The following DOCK1 variants were observed in gnomAD, a reference collection of about 807,000 sequenced individuals.
DOCK1 encodes the protein dedicator of cytokinesis protein 1.
In DOCK1, 138 loss-of-function variants were observed where a neutral mutation model predicts 262.7. That is an observed-to-expected ratio of 0.53 (90% CI 0.46 to 0.61). The LOEUF is 0.61. DOCK1 is among the 20% of genes least tolerant of loss of function. DOCK1 has a pLI of 0.00. For missense variants in DOCK1, 1,908 were observed against 2,370.7 expected (o/e 0.80, Z 4.05); for synonymous variants, 866 against 867.4 (o/e 1.00, Z 0.03).
intron 1 of DOCK1, among the ~76,000 whole-genome samples, chr10:126,935,582 C>G (rs2034508981): frequency 6.6e-6 from 1 of 152,248 alleles, no homozygotes; most frequent in Non-Finnish European, 1.5e-5. Context: ...CTGGAATGCA[C>G]CTTCCTCACC....
intron 48 of DOCK1, 130 bp from the exon 49 acceptor site, chr10:127,438,896 AC>A (rs2069877246): frequency 2.3e-6 from 2 of 885,330 alleles, no homozygotes; most frequent in Non-Finnish European, 3.4e-6. Flanking sequence ...ATCTGAAGTC[AC>A]CCTTGGCCTC....
intron 23 of DOCK1, among the ~76,000 whole-genome samples, chr10:127,066,128 G>A (rs1318772696): frequency 1.3e-5 from 2 of 152,058 alleles, no homozygotes; most frequent in African/African-American, 2.4e-5. Flanking sequence ...CTGACAAGAG[G>A]GTCCTTGGCC....
At chr10:127,048,059 G>C (rs1207972717) in intron 21 of DOCK1, among the ~76,000 whole-genome samples, 1 of 152,196 alleles carries the variant, frequency 6.6e-6, no homozygotes, top group African/African-American at 2.4e-5. Flanking sequence ...TAAAGGATAC[G>C]TGTATAGTTT....
intron 33 of DOCK1, among the ~76,000 whole-genome samples, chr10:127,372,750 C>CTTGCA (rs1483702369): frequency 1.3e-5 from 2 of 152,224 alleles, no homozygotes; most frequent in Non-Finnish European, 2.9e-5. Flanking sequence ...CCTGGAGACC[C>CTTGCA]TTGCATACAT....
In DOCK1 at chr10:127,195,437, A is replaced by G. The variant is rs2057043237; in HGVS notation, c.2848-52571A>G. 2.0e-5 allele frequency among the ~76,000 whole-genome samples: 3 copies of G among 151,786 alleles called. No individual in the cohort carries two copies. The South Asian group carries it at 6.2e-4, about 32-fold the overall frequency. On this transcript the variant is annotated intron_variant, in intron 27 of 51. Coordinates refer to ENST00000623213, the MANE Select transcript of DOCK1 (RefSeq NM_001290223.2). ...GTGCCAACCCCAGCGAGTGGAGGAG[A>G]CGAGCATTTCACGTGGGCATCTGCC...
intron 11 of DOCK1, among the ~76,000 whole-genome samples, chr10:127,011,461 T>A (rs2041435942): frequency 6.6e-6 from 1 of 152,220 alleles, no homozygotes; most frequent in Admixed American, 6.5e-5. Context: ...CCAGGATTGA[T>A]TTTAAACATT....
chr10:127,323,868 C>T (rs1446231568), intron 29 of DOCK1, among the ~76,000 whole-genome samples: 1 of 152,246 alleles, frequency 6.6e-6, no homozygotes, highest in South Asian at 2.1e-4. Flanking sequence ...CCCTGTGCTG[C>T]ATTTGGCATC....
intron 32 of DOCK1, among the ~76,000 whole-genome samples, chr10:127,361,366 G>T (rs754921168): frequency 6.6e-6 from 1 of 151,928 alleles, no homozygotes; most frequent in Non-Finnish European, 1.5e-5. Flanking sequence ...TGCCCGCCTT[G>T]GCCTCCCAAA....
At chr10:127,141,754 T>A (rs2051279534) in intron 27 of DOCK1, among the ~76,000 whole-genome samples, 1 of 152,068 alleles carries the variant, frequency 6.6e-6, no homozygotes, top group South Asian at 2.1e-4. Context: ...CCAAAAATTA[T>A]GTTGTGTCCT....
chr10:127,010,944 A>G (rs1325599632), intron 11 of DOCK1, among the ~76,000 whole-genome samples: 1 of 152,182 alleles, frequency 6.6e-6, no homozygotes, highest in South Asian at 2.1e-4. Context: ...AAACAAAAAC[A>G]AAAACAAAAA....
At chr10:127,166,267 G>A (rs540666411) in intron 27 of DOCK1, among the ~76,000 whole-genome samples, 5 of 152,112 alleles carry the variant, frequency 3.3e-5, no homozygotes, top group South Asian at 2.1e-4. Context: ...GGGTTTCACC[G>A]TGTTAGGCAG....
At chr10:127,315,718 GC>G (rs1338523926) in intron 29 of DOCK1, among the ~76,000 whole-genome samples, 1 of 152,106 alleles carries the variant, frequency 6.6e-6, no homozygotes, top group East Asian at 1.9e-4. Flanking sequence ...TTTCCACATA[GC>G]TGGGTTGGGG....
At chr10:127,102,019 G>A (rs1255897033) in intron 23 of DOCK1, among the ~76,000 whole-genome samples, 1 of 152,132 alleles carries the variant, frequency 6.6e-6, no homozygotes, top group African/African-American at 2.4e-5. Flanking sequence ...GTGCTCTTTT[G>A]AAAAGTTGCA....
intron 44 of DOCK1, among the ~76,000 whole-genome samples, chr10:127,417,090 C>A (rs1290474003): frequency 6.6e-6 from 1 of 152,222 alleles, no homozygotes; most frequent in East Asian, 1.9e-4. Flanking sequence ...GCCCCACCCC[C>A]AGCTCCCAGG....
intron 25 of DOCK1, among the ~76,000 whole-genome samples, chr10:127,124,991 C>T (rs947478614): frequency 9.9e-5 from 15 of 152,058 alleles, no homozygotes; most frequent in Admixed American, 8.5e-4. Context: ...GTGGCAGGCA[C>T]CTGTAGTCCC....
At chr10:127,049,382 G>A (rs539199705) in intron 21 of DOCK1, among the ~76,000 whole-genome samples, 8 of 152,052 alleles carry the variant, frequency 5.3e-5, no homozygotes, top group Non-Finnish European at 7.4e-5. Flanking sequence ...TTCGCCAAGT[G>A]TGGTGGTGGG....
chr10:127,201,362 C>A (rs1408117393), intron 27 of DOCK1, among the ~76,000 whole-genome samples: 1 of 152,174 alleles, frequency 6.6e-6, no homozygotes, highest in African/African-American at 2.4e-5. Flanking sequence ...GGAACCAGAG[C>A]TGTTTCTGAG....
intron 27 of DOCK1, among the ~76,000 whole-genome samples, chr10:127,245,191 C>G (rs563020062): frequency 1.3e-5 from 2 of 152,262 alleles, no homozygotes; most frequent in South Asian, 4.1e-4. Context: ...TCCCAAAGGG[C>G]AGGGAGGAAG....
chr10:127,241,212 C>T (rs1042345354), intron 27 of DOCK1, among the ~76,000 whole-genome samples: 3 of 152,030 alleles, frequency 2.0e-5, no homozygotes, highest in East Asian at 1.9e-4. Flanking sequence ...CCAGCTACTC[C>T]GGAGGCTGAG....
Sources: allele counts gnomAD v4.1 joint callset (sites outside exome capture counted in the v4.1 genomes callset), GRCh38; gene constraint gnomAD v4.1.1; transcripts MANE v1.5; gene names NCBI Gene and HGNC (gene_info 2026-07-23, HGNC 2026-07-21).